Variants in DPYSL3 observed in about 807,000 individuals in gnomAD.
DPYSL3 encodes the protein dihydropyrimidinase-related protein 3.
DPYSL3 carries 16 observed loss-of-function variants against 66.1 expected under a neutral mutation model. The ratio of observed to expected loss-of-function variants is 0.24; its 90% CI spans 0.16 to 0.37. DPYSL3 has a LOEUF of 0.37. Among genes scored for constraint, DPYSL3 ranks in the 10% least tolerant of loss-of-function variants. The pLI, the probability that DPYSL3 is intolerant of heterozygous loss-of-function variation, is 1.00. For missense variants in DPYSL3, 738 were observed against 916.2 expected (o/e 0.81, Z 2.51); for synonymous variants, 338 against 345.1 (o/e 0.98, Z 0.23).
At chr5:147,444,804 G>A (rs1752601692) in intron 1 of DPYSL3, among the ~76,000 whole-genome samples, 1 of 152,146 alleles carries the variant, frequency 6.6e-6, no homozygotes, top group Non-Finnish European at 1.5e-5. Flanking sequence ...AGTGGGGTAA[G>A]AGACTAAAAA....
chr5:147,504,682 C>T (rs139677936), intron 1 of DPYSL3, among the ~76,000 whole-genome samples: 78 of 152,312 alleles, frequency 5.1e-4, no homozygotes, highest in African/African-American at 1.5e-3. Context: ...AAAAAGGTAA[C>T]GGCCACATCT....
intron 7 of DPYSL3, among the ~76,000 whole-genome samples, chr5:147,406,877 G>C (rs1296773110): frequency 6.6e-6 from 1 of 152,150 alleles, no homozygotes; most frequent in South Asian, 2.1e-4. Flanking sequence ...GTCCATTGTG[G>C]GTGTAGCTCA....
At chr5:147,449,072 C>G (rs1484118924) in intron 1 of DPYSL3, among the ~76,000 whole-genome samples, 1 of 152,136 alleles carries the variant, frequency 6.6e-6, no homozygotes, top group Non-Finnish European at 1.5e-5. Context: ...TTCTCCATCT[C>G]CTAATATTTT....
chr5:147,450,873 T>C lies in DPYSL3; in HGVS notation c.382-25910A>G, dbSNP rs150414625. 6.6e-4 allele frequency among the ~76,000 whole-genome samples: 100 copies of C among 152,300 alleles called. 1 individual carries two copies. The highest frequency in any genetic ancestry group is 2.1e-3 in the African/African-American group (87 of 41,572). ...GTGGGGCTGCCTTCACAGAAAGGAA[T>C]AGAGGTGGCATAGAAAATTCAATTC... On this transcript the variant is annotated intron_variant, in intron 1 of 13. Transcript: ENST00000343218.
intron 1 of DPYSL3, chr5:147,473,299 T>C (rs1392742918): frequency 6.6e-6 from 1 of 152,156 alleles, no homozygotes; most frequent in Non-Finnish European, 1.5e-5. Context: ...TATCCTTGTG[T>C]TTCTTTCCCA....
chr5:147,493,646 A>G (rs899125031), intron 1 of DPYSL3, among the ~76,000 whole-genome samples: 6 of 152,180 alleles, frequency 3.9e-5, no homozygotes, highest in African/African-American at 1.4e-4. Flanking sequence ...GCAGACAGAA[A>G]ATTAATAAGA....
At chr5:147,491,584 GA>G (rs1451405475) in intron 1 of DPYSL3, among the ~76,000 whole-genome samples, 1 of 152,026 alleles carries the variant, frequency 6.6e-6, no homozygotes, top group Non-Finnish European at 1.5e-5. Flanking sequence ...TAAGAAGACA[GA>G]AATTCTAAAA....
At chr5:147,417,096 C>G (rs1007819251) in intron 3 of DPYSL3, among the ~76,000 whole-genome samples, 3 of 152,144 alleles carry the variant, frequency 2.0e-5, no homozygotes, top group Non-Finnish European at 2.9e-5. Flanking sequence ...CCTAATTTAT[C>G]TATGAAGGAC....
At chr5:147,398,551 G>A (rs1758066035) in intron 11 of DPYSL3, among the ~76,000 whole-genome samples, 1 of 152,184 alleles carries the variant, frequency 6.6e-6, no homozygotes, top group South Asian at 2.1e-4. Context: ...TAACAACAGT[G>A]TCGAGCCCGT....
Position 147,450,704 on chromosome 5 carries a change from A to C in DPYSL3, c.382-25741T>G, listed in dbSNP as rs914478666. Among the ~76,000 whole-genome samples, 10 of 152,300 alleles carry C rather than the reference A, an allele frequency of 6.6e-5. No individual in the cohort carries two copies. In the East Asian group the frequency reaches 1.7e-3, roughly 26 times the overall value. ...GCAATAAAAATAGGTGGAAGGAGGA[A>C]AAAACAAAACAAAACAAAAACAACC... On this transcript the variant is annotated intron_variant, in intron 1 of 13. Coordinates refer to ENST00000343218, the MANE Select transcript of DPYSL3 (RefSeq NM_001197294.2).
At chr5:147,459,825 G>A (rs550472112) in intron 1 of DPYSL3, among the ~76,000 whole-genome samples, 7 of 152,284 alleles carry the variant, frequency 4.6e-5, no homozygotes, top group South Asian at 4.1e-4. Flanking sequence ...ATCAGGTTGC[G>A]AGAGGCCGGG....
At chr5:147,416,165 T>C (rs994938489) in intron 3 of DPYSL3, among the ~76,000 whole-genome samples, 2 of 152,128 alleles carry the variant, frequency 1.3e-5, no homozygotes, top group African/African-American at 2.4e-5. Flanking sequence ...CTTCTGAATT[T>C]ATAAGATTAA....
intron 8 of DPYSL3, among the ~76,000 whole-genome samples, chr5:147,402,484 A>G (rs1237329431): frequency 6.8e-6 from 1 of 147,560 alleles, no homozygotes; most frequent in African/African-American, 2.7e-5. Context: ...AGTAGCTGGG[A>G]CTACAGGCGC....
chr5:147,483,874 A>G (rs1029718424), intron 1 of DPYSL3, among the ~76,000 whole-genome samples: 4 of 152,166 alleles, frequency 2.6e-5, no homozygotes, highest in African/African-American at 9.7e-5. Flanking sequence ...AATGGGAATA[A>G]TATCTCCCCC....
intron 1 of DPYSL3, among the ~76,000 whole-genome samples, chr5:147,461,931 G>T (rs193211109): frequency 5.5e-4 from 84 of 152,152 alleles, no homozygotes; most frequent in African/African-American, 1.9e-3. Context: ...CTCCAAAACC[G>T]AACCCCTACC....
intron 1 of DPYSL3, among the ~76,000 whole-genome samples, chr5:147,443,512 G>C (rs369966552): frequency 7.9e-5 from 12 of 151,892 alleles, no homozygotes; most frequent in Admixed American, 1.3e-4. Flanking sequence ...GGAACTCAGA[G>C]GATGGGTCAA....
intron 1 of DPYSL3, among the ~76,000 whole-genome samples, chr5:147,496,871 A>G (rs1052379589): frequency 2.6e-5 from 4 of 152,122 alleles, no homozygotes; most frequent in African/African-American, 9.6e-5. Flanking sequence ...AACTAGAAAT[A>G]CCATTTGACC....
intron 1 of DPYSL3, among the ~76,000 whole-genome samples, chr5:147,492,441 G>A (rs970437013): frequency 6.6e-6 from 1 of 151,862 alleles, no homozygotes; most frequent in Non-Finnish European, 1.5e-5. Context: ...AATAACAATA[G>A]CAACAATGTA....
chr5:147,470,485 TC>T (rs1439825524), intron 1 of DPYSL3, among the ~76,000 whole-genome samples: 1 of 152,084 alleles, frequency 6.6e-6, no homozygotes, highest in Non-Finnish European at 1.5e-5. Flanking sequence ...CCAGTTTATC[TC>T]CTTCTTGTCT....
Sources: gnomAD v4.1 joint callset for allele counts (sites outside exome capture counted in the v4.1 genomes callset) on GRCh38, gnomAD v4.1.1 for gene constraint, MANE v1.5 for transcripts, NCBI Gene and HGNC (gene_info 2026-07-23, HGNC 2026-07-21) for gene names.